PLEKHM1: variants seen among roughly 807,000 people sequenced by gnomAD.
PLEKHM1 encodes the protein pleckstrin homology and RUN domain containing M1, also known as pleckstrin homology domain-containing family M member 1.
Under a neutral mutation model 94.3 loss-of-function variants are expected in PLEKHM1, and 28 were observed. That is an observed-to-expected ratio of 0.30 (90% CI 0.22 to 0.41). The LOEUF (loss-of-function observed/expected upper bound fraction) is 0.41, where lower values mean the gene tolerates loss of function less well. Among genes scored for constraint, PLEKHM1 ranks in the 10% least tolerant of loss-of-function variants. PLEKHM1 has a pLI of 1.00. For synonymous variants in PLEKHM1, 424 were observed against 581.2 expected (o/e 0.73, Z 3.89); for missense variants, 907 against 1,358.6 (o/e 0.67, Z 5.22).
chr17:45,482,306 C>T (rs1252900782), intron 2 of PLEKHM1, 131 bp downstream of exon 2: 4 of 544,580 alleles, frequency 7.3e-6, no homozygotes, highest in Non-Finnish European at 1.4e-5. Flanking sequence ...CTCCTCAGAG[C>T]CTGCTTGTGC....
chr17:45,462,004 C>G (rs1438638308), intron 5 of PLEKHM1, among the ~76,000 whole-genome samples: 2 of 152,166 alleles, frequency 1.3e-5, no homozygotes, highest in Non-Finnish European at 2.9e-5. Context: ...GTGGGACCAG[C>G]CCCACTGTTT....
At chr17:45,473,507 T>C (rs1025080242) in intron 4 of PLEKHM1, among the ~76,000 whole-genome samples, 1 of 152,052 alleles carries the variant, frequency 6.6e-6, no homozygotes, top group Non-Finnish European at 1.5e-5. Context: ...AGTGTGTATA[T>C]ACTGCCTTTG....
intron 4 of PLEKHM1, among the ~76,000 whole-genome samples, chr17:45,470,290 G>T (rs2051456241): frequency 6.6e-6 from 1 of 152,270 alleles, no homozygotes. Context: ...GGAAAGAGAG[G>T]TATAAACTTC....
chr17:45,440,539 G>T (rs573389317), intron 9 of PLEKHM1, among the ~76,000 whole-genome samples: 3 of 152,246 alleles, frequency 2.0e-5, no homozygotes, highest in African/African-American at 7.2e-5. Context: ...CAGTAAACAC[G>T]TAATTAATCA....
At position 45,453,169 on chromosome 17, in the gene PLEKHM1, G is replaced by C. The variant is rs1322580809; in HGVS notation, c.2497+186C>G. The C allele has an allele frequency of 1.5e-6, 1 of 653,950 alleles. No homozygotes were observed. Among genetic ancestry groups the C allele is most frequent in the Non-Finnish European group, 2.8e-6 (1 of 361,136 alleles). The allele number at this position is 653,950 out of a possible 1,614,324, so 40.5% of individuals were successfully genotyped here. A position where few individuals can be genotyped will look rare whatever the true frequency, so the allele number is the denominator to read the frequency against. On this transcript the variant is annotated intron_variant, in intron 7 of 11. Transcript: ENST00000430334. This position sits in a 1 kb window ranked among gnomAD's most constrained non-coding sequence, Gnocchi z 4.1. Reference sequence around the variant, plus strand: ...GCAGGGCCCACTGCCTATGAGCAGGGCACTGGCCCCAGCCGGGGCTGGGGA... The same window carrying C: ...GCAGGGCCCACTGCCTATGAGCAGGCCACTGGCCCCAGCCGGGGCTGGGGA...
intron 5 of PLEKHM1, among the ~76,000 whole-genome samples, chr17:45,467,030 A>G (rs2051341275): frequency 6.6e-6 from 1 of 152,260 alleles, no homozygotes; most frequent in Admixed American, 6.5e-5. Flanking sequence ...ATATATTTTT[A>G]CAATGGAATA....
At chr17:45,476,701 G>A (rs2051751246) in intron 3 of PLEKHM1, among the ~76,000 whole-genome samples, 1 of 152,100 alleles carries the variant, frequency 6.6e-6, no homozygotes, top group Non-Finnish European at 1.5e-5. Flanking sequence ...CAGTCATGCA[G>A]ACTGCAGGGT....
intron 1 of PLEKHM1, among the ~76,000 whole-genome samples, chr17:45,483,796 C>T (rs2145356121): frequency 6.6e-6 from 1 of 152,158 alleles, no homozygotes; most frequent in African/African-American, 2.4e-5. Flanking sequence ...TTCCTGAGGT[C>T]CCAGGGCTGA....
At position 45,474,065 on chromosome 17, in the gene PLEKHM1, T is replaced by TA. The variant is rs1435476030; in HGVS notation, c.923+1034_923+1035insT. On this transcript the variant is annotated intron_variant, in intron 4 of 11. Transcript: ENST00000430334. ...TTTTTATTTTATTTATTTATTTATT[T>TA]TTTTTTTTTGAGACAGAGTCTTACT... is the stretch of plus-strand genomic sequence containing the variant. 4.6e-5 allele frequency among the ~76,000 whole-genome samples: 7 copies of TA among 150,912 alleles called. 1 individual carries two copies. Among genetic ancestry groups the TA allele is most frequent in the Middle Eastern group, 3.4e-3 (1 of 294 alleles).
chr17:45,468,186 C>G, intron 5 of PLEKHM1, 23 bp downstream of exon 5: 5 of 1,612,786 alleles, frequency 3.1e-6, no homozygotes, highest in Non-Finnish European at 4.2e-6. Context: ...AAGACTGCCC[C>G]CTGAACGGCT....
chr17:45,453,012 C>T lies in PLEKHM1; in HGVS notation c.2497+343G>A, dbSNP rs575123632. ...AGCAGCAGAAATATTTGGAAGGAAA[C>T]CATGCCCCTGCTCTGAAAGAACAGG... On this transcript the variant is annotated intron_variant, in intron 7 of 11. Transcript: ENST00000430334. The surrounding 1 kb of genome is among the most constrained non-coding windows in gnomAD (Gnocchi z 4.1). The T allele has an allele frequency of 2.0e-6, 1 of 500,712 alleles. No homozygotes were observed. Among genetic ancestry groups the T allele is most frequent in the South Asian group, 2.3e-5 (1 of 43,798 alleles). The allele number at this position is 500,712 out of a possible 1,614,324, so 31.0% of individuals were successfully genotyped here.
chr17:45,450,505 G>A (rs2050746307), intron 8 of PLEKHM1, 113 bp downstream of exon 8: 2 of 1,519,558 alleles, frequency 1.3e-6, no homozygotes, highest in Non-Finnish European at 1.8e-6. Flanking sequence ...CAGTGACCCT[G>A]GCTTCCCTTG....
In PLEKHM1 at chr17:45,468,323, A is replaced by G; in HGVS notation, c.1194T>C (p.Pro398=). The part of the protein sequence containing the change: ...QPVESTSGQQ[P]SSTVSETARE... Reference sequence around the variant, plus strand: ...TGGCTGTCTCGCTGACAGTACTAGAAGGCTGCTGGCCTGAGGTGCTCTCTA... The same window carrying G: ...TGGCTGTCTCGCTGACAGTACTAGAGGGCTGCTGGCCTGAGGTGCTCTCTA... Residue 398 remains proline (P), a synonymous_variant, in exon 5 of 12, where the codon CCT becomes CCC. Coordinates refer to ENST00000430334, the MANE Select transcript of PLEKHM1 (RefSeq NM_014798.3). 6.2e-7 allele frequency: 1 copy of G among 1,613,762 alleles called. No individual in the cohort carries two copies. The highest frequency in any genetic ancestry group is 1.1e-5 in the South Asian group (1 of 91,022).
At chr17:45,455,335 C>T (rs540314296) in intron 6 of PLEKHM1, among the ~76,000 whole-genome samples, 6 of 152,106 alleles carry the variant, frequency 3.9e-5, no homozygotes, top group African/African-American at 4.8e-5. Flanking sequence ...TGGCCTCTCA[C>T]GTTAGAGTGC....
At chr17:45,465,446 T>C (rs765604507) in intron 5 of PLEKHM1, among the ~76,000 whole-genome samples, 1 of 152,012 alleles carries the variant, frequency 6.6e-6, no homozygotes, top group Admixed American at 6.6e-5. Context: ...CGGTGGCTCA[T>C]GCCTGTAATC....
Position 45,475,746 on chromosome 17 carries a change from G to A in PLEKHM1, c.297-20C>T, listed in dbSNP as rs575419855. 55 of 1,580,142 alleles carry A rather than the reference G, an allele frequency of 3.5e-5. No homozygotes were observed. Among genetic ancestry groups the A allele is most frequent in the South Asian group, 4.6e-5 (4 of 87,472 alleles). ...ATGTGTCTGGGAAGGGAGAACAGAC[G>A]TGTTTCAAGAAACTACCCCAAATCA... On this transcript the variant is annotated intron_variant, in intron 3 of 11. Coordinates refer to ENST00000430334, the MANE Select transcript of PLEKHM1 (RefSeq NM_014798.3).
chr17:45,475,926 T>C (rs965872099), intron 3 of PLEKHM1, 200 bp from the exon 4 acceptor site: 27 of 650,176 alleles, frequency 4.2e-5, no homozygotes, highest in Non-Finnish European at 7.2e-5. Context: ...GGCAGGTGGA[T>C]CACTTGAGCT....
At chr17:45,459,488 T>C (rs2051086027) in intron 5 of PLEKHM1, 2 of 151,794 alleles carry the variant, frequency 1.3e-5, no homozygotes, top group Non-Finnish European at 2.9e-5. Context: ...TAATATTCCA[T>C]TGTCTCGATC....
At chr17:45,442,033 C>T (rs1233812001) in intron 9 of PLEKHM1, among the ~76,000 whole-genome samples, 1 of 152,200 alleles carries the variant, frequency 6.6e-6, no homozygotes, top group Non-Finnish European at 1.5e-5. Flanking sequence ...CTGGCTCCTC[C>T]TCTGCCCACC....
Sources: gnomAD v4.1 joint callset for allele counts (sites outside exome capture counted in the v4.1 genomes callset) on GRCh38, gnomAD v4.1.1 for gene constraint, Gnocchi (gnomAD v3.1) non-coding constraint, MANE v1.5 for transcripts, NCBI Gene and HGNC (gene_info 2026-07-23, HGNC 2026-07-21) for gene names.